DNAJC8: variants seen among roughly 807,000 people sequenced by gnomAD.
DNAJC8 encodes the protein dnaJ homolog subfamily C member 8.
Under a neutral mutation model 43.2 loss-of-function variants are expected in DNAJC8, and 24 were observed. That is an observed-to-expected ratio of 0.56 (90% CI 0.40 to 0.78). The LOEUF (loss-of-function observed/expected upper bound fraction) is 0.78. Ranked by LOEUF, DNAJC8 falls within the 30% of genes least tolerant of loss-of-function variation. The probability of loss-of-function intolerance (pLI) is 0.00; values close to 1 mark genes in which losing one functional copy is unlikely to be tolerated. For missense variants in DNAJC8, 207 were observed against 299.4 expected, an observed-to-expected ratio of 0.69 and a Z score of 2.28; for synonymous variants, 83 against 98.0, an observed-to-expected ratio of 0.85 and a Z score of 0.90.
chr1:28,204,604 C>A (rs1646757046), intron 7 of DNAJC8, among the ~76,000 whole-genome samples: 1 of 152,200 alleles, frequency 6.6e-6, no homozygotes, highest in Non-Finnish European at 1.5e-5. Flanking sequence ...CACTACAGTA[C>A]TATACACTCA....
chr1:28,210,540 A>T (rs1429856462), intron 4 of DNAJC8, 31 bp downstream of exon 4: 28 of 1,589,070 alleles, frequency 1.8e-5, no homozygotes, highest in Non-Finnish European at 2.2e-5. Context: ...TTCACAATCT[A>T]ATACTCAGAA....
intron 2 of DNAJC8, among the ~76,000 whole-genome samples, chr1:28,226,142 T>C (rs1646932575): frequency 6.6e-6 from 1 of 151,392 alleles, no homozygotes; most frequent in Non-Finnish European, 1.5e-5. Flanking sequence ...TTTGTAAATG[T>C]GAACAATTAG....
At chr1:28,201,634 C>A (rs1646733884) in intron 8 of DNAJC8, among the ~76,000 whole-genome samples, 1 of 151,704 alleles carries the variant, frequency 6.6e-6, no homozygotes, top group South Asian at 2.1e-4. Context: ...AATAAAAATA[C>A]AAAAATTAGC....
At chr1:28,203,647 T>C in intron 8 of DNAJC8, 100 bp downstream of exon 8, 1 of 1,168,556 alleles carries the variant, frequency 8.6e-7, no homozygotes, top group Non-Finnish European at 1.3e-6. Context: ...TCCCCACATA[T>C]CCCACTCCCC....
At chr1:28,211,097 C>T (rs1470069493) in intron 3 of DNAJC8, among the ~76,000 whole-genome samples, 1 of 152,078 alleles carries the variant, frequency 6.6e-6, no homozygotes, top group Non-Finnish European at 1.5e-5. Flanking sequence ...TCACTTGAGC[C>T]TGGGAGGTTG....
intron 3 of DNAJC8, among the ~76,000 whole-genome samples, chr1:28,212,970 C>A (rs1646825564): frequency 6.6e-6 from 1 of 152,200 alleles, no homozygotes; most frequent in African/African-American, 2.4e-5. Flanking sequence ...CACACGCTGA[C>A]AATAGTTAGC....
intron 6 of DNAJC8, among the ~76,000 whole-genome samples, chr1:28,207,404 T>G (rs1646776839): frequency 6.6e-6 from 1 of 151,598 alleles, no homozygotes; most frequent in Non-Finnish European, 1.5e-5. Flanking sequence ...AAATGTATAT[T>G]TATATGTTTT....
chr1:28,229,662 T>C (rs1372748171), intron 1 of DNAJC8, among the ~76,000 whole-genome samples: 1 of 151,568 alleles, frequency 6.6e-6, no homozygotes, highest in Admixed American at 6.6e-5. Flanking sequence ...TAGTCCCAGC[T>C]ACTTGGGAGG....
chr1:28,205,452 C>T (rs1646762342), intron 6 of DNAJC8, 103 bp from the exon 7 acceptor site: 1 of 787,960 alleles, frequency 1.3e-6, no homozygotes, highest in African/African-American at 1.7e-5. Context: ...AGATTAAAAC[C>T]TGGCACAGGC....
chr1:28,201,052 T>C lies in DNAJC8; in HGVS notation c.*196A>G, dbSNP rs915511868. On this transcript the variant is annotated 3_prime_UTR_variant, in exon 9 of 9. Coordinates refer to ENST00000263697, the MANE Select transcript of DNAJC8 (RefSeq NM_014280.3). ...TTCTAGGGGCAGGGAGAGGGAAAGGTCTTTTTTTAAACCAAGCCCCTCATT... is the reference window on the plus strand; with the variant it reads ...TTCTAGGGGCAGGGAGAGGGAAAGGCCTTTTTTTAAACCAAGCCCCTCATT... The C allele has an allele frequency of 5.3e-6, 4 of 761,884 alleles. No individual in the cohort carries two copies. Among genetic ancestry groups the C allele is most frequent in the Non-Finnish European group, 8.1e-6 (4 of 493,400 alleles). The allele number at this position is 761,884 out of a possible 1,614,324, so 47.2% of individuals were successfully genotyped here.
Position 28,224,722 on chromosome 1 carries a change from A to C in DNAJC8, c.180+4200T>G, listed in dbSNP as rs1440315105. Among the ~76,000 whole-genome samples the C allele has an allele frequency of 5.9e-5, 9 of 152,056 alleles. No homozygotes were observed. In the East Asian group the frequency reaches 1.7e-3, roughly 29 times the overall value. ...GCTTGGTGAAACCCCATCTCTACTA[A>C]AAATACAAAAAATTAGCAGGGCATG... On this transcript the variant is annotated intron_variant, in intron 2 of 8. Coordinates refer to ENST00000263697, the MANE Select transcript of DNAJC8 (RefSeq NM_014280.3).
At chr1:28,221,244 C>T (rs1646896312) in intron 2 of DNAJC8, among the ~76,000 whole-genome samples, 1 of 151,968 alleles carries the variant, frequency 6.6e-6, no homozygotes, top group Admixed American at 6.6e-5. Flanking sequence ...GAGACTGAGA[C>T]AGGAGAATTG....
chr1:28,223,841 C>T (rs1312576144), intron 2 of DNAJC8, among the ~76,000 whole-genome samples: 1 of 152,054 alleles, frequency 6.6e-6, no homozygotes, highest in African/African-American at 2.4e-5. Context: ...TATATGTACA[C>T]ACACAAACAC....
intron 2 of DNAJC8, among the ~76,000 whole-genome samples, chr1:28,220,390 G>A (rs995899647): frequency 2.0e-5 from 3 of 152,176 alleles, no homozygotes; most frequent in Admixed American, 6.5e-5. Flanking sequence ...GCTAGATACT[G>A]TGCTCACTAC....
chr1:28,219,962 C>T (rs1646887909), intron 2 of DNAJC8, among the ~76,000 whole-genome samples: 1 of 152,216 alleles, frequency 6.6e-6, no homozygotes, highest in African/African-American at 2.4e-5. Context: ...CAGGCGTGAG[C>T]CACTGTGCCC....
At chr1:28,222,143 A>G (rs963615566) in intron 2 of DNAJC8, among the ~76,000 whole-genome samples, 1 of 152,142 alleles carries the variant, frequency 6.6e-6, no homozygotes, top group African/African-American at 2.4e-5. Flanking sequence ...GAAAAGAGTT[A>G]TGAGGATGGA....
At chr1:28,210,147 T>G in intron 4 of DNAJC8, 81 bp from the exon 5 acceptor site, 1 of 1,198,946 alleles carries the variant, frequency 8.3e-7, no homozygotes, top group Non-Finnish European at 1.2e-6. Flanking sequence ...GTAAATGGAC[T>G]TGTGCTCTCT....
chr1:28,228,221 C>A (rs1002635513), intron 2 of DNAJC8, among the ~76,000 whole-genome samples: 4 of 151,776 alleles, frequency 2.6e-5, no homozygotes, highest in African/African-American at 9.7e-5. Flanking sequence ...CAGTGGTGGG[C>A]ACCTGTAATC....
chr1:28,225,510 G>A (rs1572070096), intron 2 of DNAJC8, among the ~76,000 whole-genome samples: 1 of 150,942 alleles, frequency 6.6e-6, no homozygotes, highest in Non-Finnish European at 1.5e-5. Flanking sequence ...CCTAGAAGAG[G>A]CAAATTCATA....
Sources: allele counts gnomAD v4.1 joint callset (sites outside exome capture counted in the v4.1 genomes callset), GRCh38; gene constraint gnomAD v4.1.1; transcripts MANE v1.5; gene names NCBI Gene and HGNC (gene_info 2026-07-23, HGNC 2026-07-21).